Variants in TMC1 observed in about 807,000 individuals in gnomAD.
TMC1 encodes transmembrane channel like 1, also known as transmembrane channel-like protein 1.
TMC1 carries 84 observed loss-of-function variants against 105.8 expected under a neutral mutation model. That is an observed-to-expected ratio of 0.79 (90% CI 0.67 to 0.95). The LOEUF (loss-of-function observed/expected upper bound fraction) is 0.95. Ranked by LOEUF, TMC1 falls within the 40% of genes least tolerant of loss-of-function variation. The pLI, the probability that TMC1 is intolerant of heterozygous loss-of-function variation, is 0.00. For missense variants in TMC1, 817 were observed against 914.1 expected (o/e 0.89, Z 1.37); for synonymous variants, 315 against 311.5 (o/e 1.01, Z -0.12).
chr9:72,683,733 T>TTATATATATA (rs58007608), intron 5 of TMC1, among the ~76,000 whole-genome samples: 2,807 of 52,348 alleles, frequency 0.054, 271 homozygotes, highest in Non-Finnish European at 0.071. Flanking sequence ...GTTACACATT[T>TTATATATATA]TATATATATA....
intron 8 of TMC1, among the ~76,000 whole-genome samples, chr9:72,712,858 G>A (rs1188130733): frequency 1.3e-5 from 2 of 152,146 alleles, no homozygotes; most frequent in Non-Finnish European, 2.9e-5. Flanking sequence ...TTTTCAAAGG[G>A]AATGCTTATG....
intron 11 of TMC1, among the ~76,000 whole-genome samples, chr9:72,753,931 C>T (rs1827628052): frequency 1.3e-5 from 2 of 152,118 alleles, no homozygotes; most frequent in African/African-American, 2.4e-5. Context: ...CCAGATGGGC[C>T]AAAGGCCTAC....
intron 10 of TMC1, among the ~76,000 whole-genome samples, chr9:72,751,075 C>T (rs909542418): frequency 7.2e-5 from 11 of 152,186 alleles, no homozygotes; most frequent in African/African-American, 2.4e-4. Context: ...GTAGGACCTG[C>T]TATTATCTCT....
intron 1 of TMC1, among the ~76,000 whole-genome samples, chr9:72,573,872 C>T (rs965828193): frequency 7.9e-5 from 12 of 152,048 alleles, no homozygotes; most frequent in Non-Finnish European, 1.0e-4. Flanking sequence ...GTTTGTTGTA[C>T]GGATGATTCA....
intron 11 of TMC1, among the ~76,000 whole-genome samples, chr9:72,753,320 TA>T (rs1827614857): frequency 6.7e-6 from 1 of 148,200 alleles, no homozygotes; most frequent in Non-Finnish European, 1.5e-5. Flanking sequence ...CTTACCTTTC[TA>T]AGGAAATCTG....
At chr9:72,529,169 C>T (rs1363629750) in intron 1 of TMC1, among the ~76,000 whole-genome samples, 12 of 98,062 alleles carry the variant, frequency 1.2e-4, no homozygotes, top group Admixed American at 5.4e-4. Flanking sequence ...GCGGGTGGGG[C>T]GGTGGGTGGG....
chr9:72,692,866 C>T (rs955224948), intron 6 of TMC1, among the ~76,000 whole-genome samples: 1 of 152,128 alleles, frequency 6.6e-6, no homozygotes, highest in Admixed American at 6.5e-5. Context: ...CACCTGTAAT[C>T]CCAGCACTTT....
chr9:72,770,419 GT>G (rs367957982), intron 12 of TMC1, among the ~76,000 whole-genome samples: 12,034 of 120,158 alleles, frequency 0.1, 307 homozygotes, highest in Non-Finnish European at 0.14. Context: ...AATTTGTTGG[GT>G]TTTTTTTTTT....
intron 1 of TMC1, among the ~76,000 whole-genome samples, chr9:72,535,044 TAGAG>T (rs10574679): frequency 1.5e-5 from 2 of 131,924 alleles, no homozygotes; most frequent in Non-Finnish European, 3.4e-5. Flanking sequence ...ATGGATCTCT[TAGAG>T]AGAGAGAAAA....
At chr9:72,685,216 C>A (rs1005712367) in intron 5 of TMC1, among the ~76,000 whole-genome samples, 16 of 148,926 alleles carry the variant, frequency 1.1e-4, no homozygotes, top group African/African-American at 3.7e-4. Flanking sequence ...ATACCATTCT[C>A]CTGTTTCAGC....
intron 5 of TMC1, among the ~76,000 whole-genome samples, chr9:72,680,143 T>C (rs1826263784): frequency 6.6e-6 from 1 of 152,128 alleles, no homozygotes; most frequent in South Asian, 2.1e-4. Flanking sequence ...GTGCTCCTGA[T>C]TCCAGTATTT....
intron 8 of TMC1, among the ~76,000 whole-genome samples, chr9:72,738,275 A>T (rs1827333771): frequency 6.6e-6 from 1 of 152,136 alleles, no homozygotes; most frequent in Non-Finnish European, 1.5e-5. Context: ...GCACATGTAC[A>T]GGTGAGTAAT....
intron 8 of TMC1, among the ~76,000 whole-genome samples, chr9:72,739,252 G>A (rs1827349734): frequency 6.6e-6 from 1 of 152,112 alleles, no homozygotes; most frequent in African/African-American, 2.4e-5. Flanking sequence ...ACTTACAAGG[G>A]CACTAATTCC....
At chr9:72,584,968 A>G (rs1824531782) in intron 2 of TMC1, among the ~76,000 whole-genome samples, 1 of 148,956 alleles carries the variant, frequency 6.7e-6, no homozygotes, top group Non-Finnish European at 1.5e-5. Context: ...AATTTTTAGT[A>G]GAGATGAGGT....
intron 5 of TMC1, among the ~76,000 whole-genome samples, chr9:72,659,570 C>G (rs7025564): frequency 0.11 from 16,687 of 152,180 alleles, 1,203 homozygotes; most frequent in African/African-American, 0.19. Flanking sequence ...GAAGGGGGAG[C>G]CTGTGGTGAG....
chr9:72,703,922 T>C (rs1389607404), intron 8 of TMC1, among the ~76,000 whole-genome samples: 1 of 152,212 alleles, frequency 6.6e-6, no homozygotes, highest in African/African-American at 2.4e-5. Flanking sequence ...ATGAAGTTGT[T>C]GGTACTTAAG....
intron 17 of TMC1, among the ~76,000 whole-genome samples, chr9:72,795,827 G>T (rs999084410): frequency 1.3e-5 from 2 of 151,572 alleles, no homozygotes; most frequent in African/African-American, 4.8e-5. Context: ...TGGGCTAAAT[G>T]CTCCATTTAA....
At chr9:72,690,580 G>A (rs1048188038) in intron 6 of TMC1, among the ~76,000 whole-genome samples, 14 of 152,006 alleles carry the variant, frequency 9.2e-5, no homozygotes, top group Non-Finnish European at 1.6e-4. Flanking sequence ...ATTTATAAAG[G>A]ACAAACTTGC....
At chr9:72,531,396 T>G (rs1823495988) in intron 1 of TMC1, among the ~76,000 whole-genome samples, 1 of 152,238 alleles carries the variant, frequency 6.6e-6, no homozygotes, top group African/African-American at 2.4e-5. Flanking sequence ...AAGCCTAGAC[T>G]GGTGTTTTGT....
Sources: gnomAD v4.1 joint callset for allele counts (sites outside exome capture counted in the v4.1 genomes callset) on GRCh38, gnomAD v4.1.1 for gene constraint, MANE v1.5 for transcripts, NCBI Gene and HGNC (gene_info 2026-07-23, HGNC 2026-07-21) for gene names.